Variants in LRP1B observed in about 807,000 individuals in gnomAD.
LRP1B encodes the protein LDL receptor related protein 1B.
Under a neutral mutation model 556.6 loss-of-function variants are expected in LRP1B, and 217 were observed. The ratio of observed to expected loss-of-function variants is 0.39; its 90% confidence interval spans 0.35 to 0.44. LRP1B has a LOEUF of 0.44. LRP1B is among the 20% of genes least tolerant of loss of function. The pLI is 1.00. For missense variants in LRP1B, 5,053 were observed against 5,620.8 expected, an observed-to-expected ratio of 0.90 and a Z score of 3.23; for synonymous variants, 2,047 against 1,865.8, an observed-to-expected ratio of 1.10 and a Z score of -2.50.
intron 31 of LRP1B, among the ~76,000 whole-genome samples, chr2:140,814,978 C>A (rs116586847): frequency 6.6e-6 from 1 of 152,076 alleles, no homozygotes; most frequent in Non-Finnish European, 1.5e-5. Context: ...GAATCAGTAT[C>A]CACATTTTAA....
intron 2 of LRP1B, among the ~76,000 whole-genome samples, chr2:141,532,911 C>G (rs2890616): frequency 0.92 from 139,433 of 152,160 alleles, 65,110 homozygotes; most frequent in East Asian, 1. Flanking sequence ...GCTTGAACTC[C>G]GGAGGCAGAG....
At chr2:141,714,028 T>G (rs148740313) in intron 2 of LRP1B, among the ~76,000 whole-genome samples, 1 of 152,316 alleles carries the variant, frequency 6.6e-6, no homozygotes, top group East Asian at 1.9e-4. Context: ...CTACAGTCTA[T>G]TTCCAGTCAT....
intron 1 of LRP1B, among the ~76,000 whole-genome samples, chr2:141,834,363 G>A (rs1314572144): frequency 6.6e-6 from 1 of 151,780 alleles, no homozygotes; most frequent in Non-Finnish European, 1.5e-5. Context: ...ATATAACGAA[G>A]AGACCCTAAA....
intron 12 of LRP1B, among the ~76,000 whole-genome samples, chr2:141,017,548 A>G (rs987547067): frequency 1.3e-5 from 2 of 151,886 alleles, no homozygotes; most frequent in African/African-American, 2.4e-5. Context: ...GAGAAAAGGA[A>G]TTGTTCGCCA....
intron 18 of LRP1B, among the ~76,000 whole-genome samples, chr2:140,954,212 G>A (rs1048873575): frequency 3.9e-5 from 6 of 152,232 alleles, no homozygotes; most frequent in Admixed American, 6.5e-5. Context: ...AACGTTGTCC[G>A]AAATATGCTT....
intron 7 of LRP1B, among the ~76,000 whole-genome samples, chr2:141,117,878 T>C (rs1159486529): frequency 6.6e-6 from 1 of 151,986 alleles, no homozygotes; most frequent in Non-Finnish European, 1.5e-5. Context: ...ATCTTAAAAA[T>C]AAGCATTTGG....
chr2:140,540,437 CTAAT>C (rs1169849932), intron 45 of LRP1B, among the ~76,000 whole-genome samples: 2 of 152,168 alleles, frequency 1.3e-5, no homozygotes, highest in Non-Finnish European at 2.9e-5. Flanking sequence ...TGTAATGGTG[CTAAT>C]TAAAGTTTGT....
intron 7 of LRP1B, among the ~76,000 whole-genome samples, chr2:141,141,100 T>C (rs1443499384): frequency 1.3e-5 from 2 of 152,220 alleles, no homozygotes; most frequent in South Asian, 4.1e-4. Flanking sequence ...AAAATATAAT[T>C]GTAAAAATGC....
At chr2:140,894,075 A>G (rs192180318) in intron 23 of LRP1B, among the ~76,000 whole-genome samples, 2 of 152,312 alleles carry the variant, frequency 1.3e-5, no homozygotes, top group Admixed American at 1.3e-4. Context: ...TCATTTTTTA[A>G]AGAGAAATAA....
intron 1 of LRP1B, among the ~76,000 whole-genome samples, chr2:141,812,717 A>T (rs6748180): frequency 0.14 from 20,725 of 152,092 alleles, 2,172 homozygotes; most frequent in African/African-American, 0.29. Context: ...ATAATAAAAC[A>T]TGCTACAAAG....
intron 86 of LRP1B, among the ~76,000 whole-genome samples, chr2:140,251,060 C>T (rs921087356): frequency 2.0e-5 from 3 of 151,844 alleles, no homozygotes; most frequent in Non-Finnish European, 4.4e-5. Context: ...TATCGTCTCC[C>T]TGAGCAGTTT....
At chr2:142,050,391 G>A (rs1257512375) in intron 1 of LRP1B, among the ~76,000 whole-genome samples, 2 of 151,740 alleles carry the variant, frequency 1.3e-5, no homozygotes, top group East Asian at 1.9e-4. Flanking sequence ...AGCCATAAAA[G>A]TTACTGAAAA....
chr2:141,026,817 G>T (rs1256298443), intron 11 of LRP1B, among the ~76,000 whole-genome samples: 1 of 152,050 alleles, frequency 6.6e-6, no homozygotes, highest in Non-Finnish European at 1.5e-5. Flanking sequence ...TTAGGCAGCA[G>T]CCTTGTTGTG....
At chr2:141,830,140 A>G (rs532687697) in intron 1 of LRP1B, among the ~76,000 whole-genome samples, 26 of 152,080 alleles carry the variant, frequency 1.7e-4, no homozygotes, top group African/African-American at 6.3e-4. Flanking sequence ...CTTAATTGAT[A>G]TCATAGTAAG....
Position 141,278,562 on chromosome 2 carries a change from T to A in LRP1B, c.344-23921A>T, listed in dbSNP as rs73962897. Among the ~76,000 whole-genome samples, 642 of 152,276 alleles carry A rather than the reference T, an allele frequency of 4.2e-3. 4 individuals are homozygous for A. Among genetic ancestry groups the A allele is most frequent in the African/African-American group, 0.015 (612 of 41,556 alleles). ...GAATTTCCTAAGGCTATAATCCGAC[T>A]CTTAGGAAGAAAGATTAGTGTAACA... On this transcript the variant is annotated intron_variant, in intron 3 of 90. Coordinates refer to ENST00000389484, the MANE Select transcript of LRP1B (RefSeq NM_018557.3).
chr2:141,212,510 T>C (rs577905731), intron 6 of LRP1B, among the ~76,000 whole-genome samples: 84 of 151,390 alleles, frequency 5.5e-4, no homozygotes, highest in African/African-American at 2.0e-3. Context: ...GGTCTTGATC[T>C]CCTGACCTCG....
At chr2:141,249,933 T>G (rs181431599) in intron 4 of LRP1B, among the ~76,000 whole-genome samples, 3 of 152,286 alleles carry the variant, frequency 2.0e-5, no homozygotes, top group African/African-American at 7.2e-5. Context: ...CTTAGACCTA[T>G]TAACAGAGTT....
intron 2 of LRP1B, among the ~76,000 whole-genome samples, chr2:141,509,617 G>T (rs917533973): frequency 1.3e-5 from 2 of 152,112 alleles, no homozygotes; most frequent in South Asian, 2.1e-4. Flanking sequence ...TTTGGAAGAC[G>T]TGTTAAAAGT....
chr2:141,524,797 G>A (rs1282086689), intron 2 of LRP1B, among the ~76,000 whole-genome samples: 2 of 151,078 alleles, frequency 1.3e-5, no homozygotes, highest in Non-Finnish European at 1.5e-5. Context: ...GAAAGAGAGA[G>A]ACAGAGCCAA....
Sources: gnomAD v4.1 joint callset for allele counts (sites outside exome capture counted in the v4.1 genomes callset) on GRCh38, gnomAD v4.1.1 for gene constraint, MANE v1.5 for transcripts, NCBI Gene and HGNC (gene_info 2026-07-23, HGNC 2026-07-21) for gene names.